The following CA10 variants were observed in gnomAD, a reference collection of about 807,000 sequenced individuals.
CA10 encodes carbonic anhydrase 10 (inactive).
Under a neutral mutation model 44.2 loss-of-function variants are expected in CA10, and 14 were observed. That is an observed-to-expected ratio of 0.32 (90% confidence interval 0.21 to 0.50). The LOEUF (loss-of-function observed/expected upper bound fraction) is 0.50, where lower values mean the gene tolerates loss of function less well. Ranked by LOEUF, CA10 falls within the 20% of genes least tolerant of loss-of-function variation. CA10 has a pLI of 0.99. For synonymous variants in CA10, 159 were observed against 141.6 expected (o/e 1.12, Z -0.87); for missense variants, 350 against 409.7 (o/e 0.85, Z 1.26).
chr17:51,936,925 A>G (rs1212345938), intron 2 of CA10, among the ~76,000 whole-genome samples: 1 of 152,140 alleles, frequency 6.6e-6, no homozygotes, highest in African/African-American at 2.4e-5. Flanking sequence ...GGCAGAACTA[A>G]TTGAATGTTT....
At chr17:51,883,421 A>G (rs1980463673) in intron 3 of CA10, among the ~76,000 whole-genome samples, 1 of 152,162 alleles carries the variant, frequency 6.6e-6, no homozygotes, top group Non-Finnish European at 1.5e-5. Flanking sequence ...AGTTATCCAT[A>G]TTCATTTGTA....
intron 2 of CA10, among the ~76,000 whole-genome samples, chr17:52,036,041 A>AC (rs1323128354): frequency 6.6e-6 from 1 of 152,024 alleles, no homozygotes; most frequent in Non-Finnish European, 1.5e-5. Context: ...GGTGGGCCCC[A>AC]CCCCCAGATT....
intron 3 of CA10, among the ~76,000 whole-genome samples, chr17:51,803,939 A>G (rs564012572): frequency 6.6e-5 from 10 of 152,316 alleles, no homozygotes; most frequent in African/African-American, 2.4e-4. Context: ...GCATAGGCCC[A>G]GGAGCTGAGC....
intron 1 of CA10, among the ~76,000 whole-genome samples, chr17:52,151,109 C>T (rs1302144925): frequency 6.6e-6 from 1 of 152,022 alleles, no homozygotes; most frequent in Non-Finnish European, 1.5e-5. Context: ...TTAAGTTGCA[C>T]ACAAACCTGA....
chr17:51,982,552 G>A (rs1442701457), intron 2 of CA10, among the ~76,000 whole-genome samples: 2 of 151,892 alleles, frequency 1.3e-5, no homozygotes, highest in Non-Finnish European at 2.9e-5. Context: ...TCAAACTTTG[G>A]TTGAACTAAT....
chr17:52,113,637 T>C (rs1305593751), intron 1 of CA10, among the ~76,000 whole-genome samples: 1 of 152,206 alleles, frequency 6.6e-6, no homozygotes, highest in Non-Finnish European at 1.5e-5. Flanking sequence ...GTTAATATTA[T>C]AGAAATTTCA....
At chr17:52,092,763 A>T (rs947830094) in intron 1 of CA10, among the ~76,000 whole-genome samples, 1 of 152,126 alleles carries the variant, frequency 6.6e-6, no homozygotes, top group African/African-American at 2.4e-5. Context: ...AATGTCCTTC[A>T]CTCAGTCCTT....
rs1430532532 is a variant in CA10, at chr17:51,993,564, T to C, written c.137-62432A>G. On this transcript the variant is annotated intron_variant, in intron 2 of 8. Coordinates refer to ENST00000451037, the MANE Select transcript of CA10 (RefSeq NM_020178.5). The stretch of plus-strand genomic sequence containing the variant: ...TGCCTCAGGTGTTCTAAGGGCATTA[T>C]TATTTAAATTCACGGTGGAATGTGA... 3.9e-5 allele frequency among the ~76,000 whole-genome samples: 6 copies of C among 152,118 alleles called. No homozygotes were observed. The South Asian group carries it at 6.2e-4, about 16-fold the overall frequency.
At chr17:51,941,525 T>C (rs1174534217) in intron 2 of CA10, among the ~76,000 whole-genome samples, 1 of 152,172 alleles carries the variant, frequency 6.6e-6, no homozygotes, top group East Asian at 1.9e-4. Flanking sequence ...AAGAGAGGAA[T>C]GTCTCAATGC....
chr17:52,091,110 A>C (rs1170035272), intron 1 of CA10, among the ~76,000 whole-genome samples: 1 of 152,192 alleles, frequency 6.6e-6, no homozygotes, highest in East Asian at 1.9e-4. Context: ...TCTGAAAAAA[A>C]TCAGCATATA....
chr17:51,675,781 G>A (rs1278915027), intron 4 of CA10, among the ~76,000 whole-genome samples: 1 of 151,936 alleles, frequency 6.6e-6, no homozygotes. Flanking sequence ...AGTTCTCTTA[G>A]GTTGGTGCAA....
intron 3 of CA10, among the ~76,000 whole-genome samples, chr17:51,792,618 G>A (rs951837280): frequency 3.3e-5 from 5 of 151,972 alleles, no homozygotes; most frequent in African/African-American, 7.3e-5. Flanking sequence ...TAAATGAACC[G>A]GTAGCTATTA....
At chr17:52,138,642 A>C (rs1989410678) in intron 1 of CA10, among the ~76,000 whole-genome samples, 2 of 152,234 alleles carry the variant, frequency 1.3e-5, no homozygotes, top group Admixed American at 1.3e-4. Context: ...TGGTAGCAGC[A>C]GTGTCCAGCT....
chr17:51,695,870 A>C (rs558775415), intron 4 of CA10, among the ~76,000 whole-genome samples: 83 of 152,214 alleles, frequency 5.5e-4, no homozygotes, highest in African/African-American at 1.8e-3. Context: ...GGTTTTTATC[A>C]CTTAGGGATG....
intron 4 of CA10, among the ~76,000 whole-genome samples, chr17:51,728,602 A>G (rs1352794598): frequency 1.3e-5 from 2 of 152,194 alleles, no homozygotes; most frequent in East Asian, 3.9e-4. Flanking sequence ...TTTTGGATAC[A>G]TATCACAGGG....
chr17:51,849,238 T>TATAC lies in CA10; in HGVS notation c.279+81751_279+81752insGTAT, dbSNP rs1567860493. On this transcript the variant is annotated intron_variant, in intron 3 of 8. Coordinates refer to ENST00000451037, the MANE Select transcript of CA10 (RefSeq NM_020178.5). ...ATATATACATATATGTGTGTGTATA[T>TATAC]ATATATATATATATATATATATATA... 3.6e-5 allele frequency among the ~76,000 whole-genome samples: 4 copies of TATAC among 110,146 alleles called. 1 individual carries two copies. The highest frequency in any genetic ancestry group is 2.8e-4 in the South Asian group (1 of 3,600). The allele number at this position is 110,146 out of a possible 152,430, so 72.3% of individuals were successfully genotyped here.
chr17:51,950,819 G>A (rs1567897162), intron 2 of CA10, among the ~76,000 whole-genome samples: 1 of 152,008 alleles, frequency 6.6e-6, no homozygotes, highest in Non-Finnish European at 1.5e-5. Flanking sequence ...TATTTATATT[G>A]ATAGTCTGAT....
chr17:52,041,469 G>T (rs1252855475), intron 2 of CA10, among the ~76,000 whole-genome samples: 1 of 152,058 alleles, frequency 6.6e-6, no homozygotes, highest in Non-Finnish European at 1.5e-5. Context: ...AATAAAAATT[G>T]TATATATTTA....
chr17:52,132,721 A>G (rs1989268791), intron 1 of CA10, among the ~76,000 whole-genome samples: 2 of 152,112 alleles, frequency 1.3e-5, no homozygotes, highest in African/African-American at 4.8e-5. Flanking sequence ...TTTAGGGAGG[A>G]TTTGGGGCCC....
Sources: gnomAD v4.1 joint callset for allele counts (sites outside exome capture counted in the v4.1 genomes callset) on GRCh38, gnomAD v4.1.1 for gene constraint, MANE v1.5 for transcripts, NCBI Gene and HGNC (gene_info 2026-07-23, HGNC 2026-07-21) for gene names.